ORC3: variants seen among roughly 807,000 people sequenced by gnomAD.
ORC3 encodes the protein origin recognition complex subunit 3, also known as homolog of latheo, Drosophila.
In ORC3, 78 loss-of-function variants were observed where a neutral mutation model predicts 100.7. The observed-to-expected ratio is 0.77, with a 90% CI of 0.65 to 0.94. The LOEUF is 0.94. Among genes scored for constraint, ORC3 ranks in the 40% least tolerant of loss-of-function variants. The pLI, the probability that ORC3 is intolerant of heterozygous loss-of-function variation, is 0.00. For missense variants in ORC3, 789 were observed against 823.9 expected (o/e 0.96, Z 0.52); for synonymous variants, 295 against 289.3 (o/e 1.02, Z -0.20).
intron 13 of ORC3, among the ~76,000 whole-genome samples, chr6:87,652,023 C>T (rs60082015): frequency 0.11 from 16,314 of 150,794 alleles, 925 homozygotes; most frequent in East Asian, 0.15. Flanking sequence ...CTCAGCCTCC[C>T]GAGTAGCTGG....
intron 14 of ORC3, among the ~76,000 whole-genome samples, chr6:87,655,326 C>T (rs929125728): frequency 6.6e-6 from 1 of 150,442 alleles, no homozygotes; most frequent in African/African-American, 2.4e-5. Flanking sequence ...GCTAGGACTA[C>T]AGAAAAGGGC....
chr6:87,618,196 A>C (rs182880106), intron 9 of ORC3, among the ~76,000 whole-genome samples: 35 of 152,272 alleles, frequency 2.3e-4, no homozygotes, highest in Middle Eastern at 3.4e-3. Context: ...AGATCATGAT[A>C]TCAGGAGTTC....
intron 11 of ORC3, 60 bp from the exon 12 acceptor site, chr6:87,634,785 T>C (rs1288358132): frequency 1.2e-6 from 1 of 833,426 alleles, no homozygotes; most frequent in African/African-American, 1.7e-5. Flanking sequence ...AAGTAGATTG[T>C]ATTATTATGC....
intron 13 of ORC3, chr6:87,650,955 C>T (rs541880132): frequency 1.5e-4 from 50 of 332,430 alleles, no homozygotes; most frequent in African/African-American, 1.0e-3. Flanking sequence ...TGCGGTGAGC[C>T]GAGATCACGC....
At chr6:87,646,396 G>A (rs1768793693) in intron 13 of ORC3, among the ~76,000 whole-genome samples, 1 of 151,982 alleles carries the variant, frequency 6.6e-6, no homozygotes, top group African/African-American at 2.4e-5. Flanking sequence ...AATCTCACAT[G>A]GTGGCTTTCA....
At chr6:87,598,083 G>A (rs1222331875) in intron 2 of ORC3, among the ~76,000 whole-genome samples, 2 of 152,198 alleles carry the variant, frequency 1.3e-5, no homozygotes, top group Admixed American at 1.3e-4. Context: ...AGGCTGGAGT[G>A]CAGTGGCACA....
chr6:87,655,647 CA>C (rs1256763156), intron 14 of ORC3, among the ~76,000 whole-genome samples: 5 of 151,444 alleles, frequency 3.3e-5, no homozygotes, highest in African/African-American at 1.2e-4. Flanking sequence ...GCCCCCTCAT[CA>C]GCCTAATTAT....
chr6:87,631,733 C>T (rs1008840524), intron 11 of ORC3, among the ~76,000 whole-genome samples: 1 of 152,024 alleles, frequency 6.6e-6, no homozygotes, highest in Non-Finnish European at 1.5e-5. Context: ...CTCAGGTGAT[C>T]CACCCGCCTC....
At chr6:87,618,497 G>A (rs926916768) in intron 9 of ORC3, among the ~76,000 whole-genome samples, 7 of 152,148 alleles carry the variant, frequency 4.6e-5, no homozygotes, top group African/African-American at 1.7e-4. Flanking sequence ...ACAAATCTGA[G>A]TAGTCAGTGC....
At chr6:87,626,221 A>G (rs953492168) in intron 11 of ORC3, among the ~76,000 whole-genome samples, 5 of 152,210 alleles carry the variant, frequency 3.3e-5, no homozygotes, top group African/African-American at 9.6e-5. Flanking sequence ...AGTTCTGTGA[A>G]GAAAGTCATT....
At chr6:87,653,277 A>G in intron 14 of ORC3, 28 bp downstream of exon 14, 2 of 1,602,896 alleles carry the variant, frequency 1.2e-6, no homozygotes, top group Non-Finnish European at 1.7e-6. Flanking sequence ...TTCCAATTCT[A>G]TTGGCCATGA....
At chr6:87,626,118 A>C (rs966932761) in intron 11 of ORC3, among the ~76,000 whole-genome samples, 1 of 152,150 alleles carries the variant, frequency 6.6e-6, no homozygotes, top group Non-Finnish European at 1.5e-5. Context: ...GTCAGGTAGC[A>C]TGATGCCTCC....
chr6:87,650,458 T>G (rs1769172218), intron 13 of ORC3, among the ~76,000 whole-genome samples: 1 of 152,224 alleles, frequency 6.6e-6, no homozygotes, highest in Non-Finnish European at 1.5e-5. Context: ...ATACCATTTC[T>G]TTTTCTTAAT....
rs1282223918 is a variant in ORC3 at position 87,610,344 on chromosome 6, G to T, written c.713+1115G>T. Among the ~76,000 whole-genome samples the T allele has an allele frequency of 2.6e-5, 4 of 151,956 alleles. 1 individual carries two copies. The South Asian group carries it at 6.2e-4, about 24-fold the overall frequency. On this transcript the variant is annotated intron_variant, in intron 7 of 19. Transcript: ENST00000392844. ...ATGCCTCAGCCTCCCAAGTAGCTGG[G>T]ATTACAGGTGCCCGCTGCCACGCCT...
chr6:87,625,862 T>TAGA (rs1779865571), intron 11 of ORC3, among the ~76,000 whole-genome samples: 3 of 152,310 alleles, frequency 2.0e-5, no homozygotes, highest in South Asian at 4.1e-4. Context: ...ATGATTTTTT[T>TAGA]ATAAGGTTAA....
Position 87,654,105 on chromosome 6 carries a change from A to G in ORC3, c.1516+856A>G, listed in dbSNP as rs566408817. Among the ~76,000 whole-genome samples the G allele has an allele frequency of 2.0e-5, 3 of 152,350 alleles. No individual in the cohort carries two copies. In the South Asian group the frequency reaches 6.2e-4, roughly 32 times the overall value. On this transcript the variant is annotated intron_variant, in intron 14 of 19. Coordinates refer to ENST00000392844, the MANE Select transcript of ORC3 (RefSeq NM_012381.4). ...GTAGTTTTTTCATATATAATCACATAGAATTGGACATGACATGTTGAAAAT... is the reference window on the plus strand; with the variant it reads ...GTAGTTTTTTCATATATAATCACATGGAATTGGACATGACATGTTGAAAAT...
chr6:87,634,697 T>G, intron 11 of ORC3, 148 bp from the exon 12 acceptor site: 1 of 593,370 alleles, frequency 1.7e-6, no homozygotes, highest in South Asian at 2.0e-5. Context: ...ATTCTGGATT[T>G]TATATGTATT....
chr6:87,614,445 G>A (rs1005736211), intron 8 of ORC3, among the ~76,000 whole-genome samples: 3 of 152,194 alleles, frequency 2.0e-5, no homozygotes, highest in South Asian at 2.1e-4. Flanking sequence ...GGGGATTAAC[G>A]TTTGGCTCTT....
At chr6:87,651,670 T>C (rs2097788583) in intron 13 of ORC3, among the ~76,000 whole-genome samples, 1 of 152,194 alleles carries the variant, frequency 6.6e-6, no homozygotes, top group Admixed American at 6.5e-5. Context: ...CCATATTTAG[T>C]GGTTGTCTAC....
Sources: allele counts gnomAD v4.1 joint callset (sites outside exome capture counted in the v4.1 genomes callset), GRCh38; gene constraint gnomAD v4.1.1; transcripts MANE v1.5; gene names NCBI Gene and HGNC (gene_info 2026-07-23, HGNC 2026-07-21).